TRAPPC10: variants seen among roughly 807,000 people sequenced by gnomAD.
The protein encoded by TRAPPC10 is trafficking protein particle complex subunit 10, also known as TRAPP 130 kDa subunit.
Under a neutral mutation model 125.5 loss-of-function variants are expected in TRAPPC10, and 23 were observed. The ratio of observed to expected loss-of-function variants is 0.18; its 90% CI spans 0.13 to 0.26. The LOEUF (loss-of-function observed/expected upper bound fraction) is 0.26, where lower values mean the gene tolerates loss of function less well. Among genes scored for constraint, TRAPPC10 ranks in the 10% least tolerant of loss-of-function variants. TRAPPC10 has a pLI of 1.00. For missense variants in TRAPPC10, 1,123 were observed against 1,308.4 expected (o/e 0.86, Z 2.19); for synonymous variants, 509 against 518.0 (o/e 0.98, Z 0.24).
chr21:44,062,496 A>C, intron 6 of TRAPPC10: 1 of 979,094 alleles, frequency 1.0e-6, no homozygotes, highest in Non-Finnish European at 1.2e-6. Context: ...CGGCACTGGC[A>C]CAGAGGCCTG....
chr21:44,074,540 T>A, intron 8 of TRAPPC10, 70 bp downstream of exon 8: 1 of 1,597,788 alleles, frequency 6.3e-7, no homozygotes, highest in Non-Finnish European at 8.6e-7. Flanking sequence ...GGAGGAAGTC[T>A]GCTGTTTGGA....
rs1041550131 is a variant in TRAPPC10, at chr21:44,012,361, C to G, written c.-133C>G. The G allele has an allele frequency of 3.0e-6, 1 of 329,600 alleles. No individual in the cohort carries two copies. Among genetic ancestry groups the G allele is most frequent in the Middle Eastern group, 1.5e-3 (1 of 652 alleles). 20.4% of individuals were successfully genotyped at this position (329,600 alleles called of 1,614,324 possible). ...CGGCAGCAGCGGGCGGCAGCTGCGG[C>G]GCAACCGGCTCCGGAGCTGCCTGGC... On this transcript the variant is annotated 5_prime_UTR_variant, in exon 1 of 23. Transcript: ENST00000291574.
Position 44,014,373 on chromosome 21 carries a change from A to C in TRAPPC10, c.67+1813A>C, listed in dbSNP as rs4819367. On this transcript the variant is annotated intron_variant, in intron 1 of 22. Transcript: ENST00000291574. ...GTGGGTTTTTTCCTGTGTTTTGAGC[A>C]GCAGAGTGAATTTTTTTTTTTCCTT... Among the ~76,000 whole-genome samples, 36 of 144,736 alleles carry C rather than the reference A, an allele frequency of 2.5e-4. No individual in the cohort carries two copies. The East Asian group carries it at 6.9e-3, about 28-fold the overall frequency. The allele number at this position is 144,736 out of a possible 152,430, so 95.0% of individuals were successfully genotyped here.
rs147958183 is a variant in TRAPPC10, at chr21:44,073,780, G to A, written c.1039-544G>A. Among the ~76,000 whole-genome samples, 732 of 152,136 alleles carry A rather than the reference G, an allele frequency of 4.8e-3. 5 individuals carry two copies. The highest frequency in any genetic ancestry group is 0.016 in the African/African-American group (676 of 41,472). On this transcript the variant is annotated intron_variant, in intron 7 of 22. Coordinates refer to ENST00000291574, the MANE Select transcript of TRAPPC10 (RefSeq NM_003274.5). ...AACATAAATATACTGTCTTTATCAC[G>A]CCTGAAGAGTGAACTGTAATTCCTC...
At chr21:44,047,021 T>C (rs891982564) in intron 3 of TRAPPC10, 1 of 767,250 alleles carries the variant, frequency 1.3e-6, no homozygotes, top group Non-Finnish European at 2.3e-6. Context: ...TGGAGTCCTT[T>C]CCCACCTTAC....
At chr21:44,092,155 C>T (rs2146208940) in intron 19 of TRAPPC10, 106 bp downstream of exon 19, 9 of 1,418,008 alleles carry the variant, frequency 6.3e-6, no homozygotes, top group Non-Finnish European at 8.6e-6. Flanking sequence ...AACAGCTGCA[C>T]TGCTGATGAG....
intron 7 of TRAPPC10, among the ~76,000 whole-genome samples, chr21:44,069,122 T>C (rs1370319030): frequency 1.3e-5 from 2 of 152,158 alleles, no homozygotes; most frequent in East Asian, 3.8e-4. Flanking sequence ...ATTCCTTAAA[T>C]AGGACATGAA....
chr21:44,088,004 C>T, intron 17 of TRAPPC10, 76 bp downstream of exon 17: 15 of 1,296,662 alleles, frequency 1.2e-5, no homozygotes, highest in South Asian at 9.0e-5. Context: ...GGCGATGTAG[C>T]GATGCCTGCT....
chr21:44,081,740 G>T (rs1288017646), intron 13 of TRAPPC10, among the ~76,000 whole-genome samples: 4 of 152,152 alleles, frequency 2.6e-5, no homozygotes, highest in Non-Finnish European at 5.9e-5. Flanking sequence ...TTAGCCAGGT[G>T]TGGTGGCGGG....
intron 7 of TRAPPC10, among the ~76,000 whole-genome samples, chr21:44,067,739 TG>T (rs1374617790): frequency 6.6e-6 from 1 of 152,200 alleles, no homozygotes; most frequent in Non-Finnish European, 1.5e-5. Context: ...CTTTGCCGGA[TG>T]CCTCAGGTCA....
chr21:44,016,681 C>T (rs1053211497), intron 1 of TRAPPC10, among the ~76,000 whole-genome samples: 2 of 152,072 alleles, frequency 1.3e-5, no homozygotes, highest in Non-Finnish European at 2.9e-5. Flanking sequence ...TTTTTTGAGA[C>T]GGAGTCTTGC....
intron 5 of TRAPPC10, 60 bp downstream of exon 5, chr21:44,055,953 CCTCT>C (rs994658890): frequency 7.2e-7 from 1 of 1,380,316 alleles, no homozygotes; most frequent in Admixed American, 2.0e-5. Flanking sequence ...TTGTTCCCTC[CCTCT>C]CTCCTCCTTT....
chr21:44,024,990 A>C (rs1371604233), intron 1 of TRAPPC10, among the ~76,000 whole-genome samples: 1 of 152,158 alleles, frequency 6.6e-6, no homozygotes, highest in Non-Finnish European at 1.5e-5. Flanking sequence ...CCACGCTAGG[A>C]GTATGTTGAG....
chr21:44,055,415 C>T (rs1280820945), intron 4 of TRAPPC10, among the ~76,000 whole-genome samples: 1 of 151,990 alleles, frequency 6.6e-6, no homozygotes, highest in Non-Finnish European at 1.5e-5. Flanking sequence ...CATAGCAAGA[C>T]CTCACCTTTA....
chr21:44,055,936 C>T, intron 5 of TRAPPC10, 43 bp downstream of exon 5: 2 of 1,470,522 alleles, frequency 1.4e-6, no homozygotes, highest in Middle Eastern at 1.8e-4. Flanking sequence ...TTCTCTCCTT[C>T]CCTCCTTTGT....
At chr21:44,068,083 G>A (rs931283835) in intron 7 of TRAPPC10, among the ~76,000 whole-genome samples, 3 of 148,966 alleles carry the variant, frequency 2.0e-5, no homozygotes, top group African/African-American at 7.5e-5. Flanking sequence ...TCATGCCACT[G>A]CACTCCAACT....
chr21:44,034,223 A>T (rs995124960), intron 2 of TRAPPC10, among the ~76,000 whole-genome samples: 4 of 152,134 alleles, frequency 2.6e-5, no homozygotes, highest in Non-Finnish European at 5.9e-5. Flanking sequence ...GCCCGGGTGA[A>T]AGCAGGGCTG....
intron 7 of TRAPPC10, among the ~76,000 whole-genome samples, chr21:44,073,216 C>A (rs748610749): frequency 1.1e-4 from 16 of 152,070 alleles, no homozygotes; most frequent in Non-Finnish European, 1.9e-4. Context: ...CTCTTTGGTT[C>A]TTCCTTGTTG....
rs908513549 is a variant in TRAPPC10 at position 44,082,424 on chromosome 21, G to A, written c.1724-364G>A. On this transcript the variant is annotated intron_variant, in intron 13 of 22. Coordinates refer to ENST00000291574, the MANE Select transcript of TRAPPC10 (RefSeq NM_003274.5). The surrounding 1 kb of genome is among the most constrained non-coding windows in gnomAD (Gnocchi z 4.4). ...CTTCACTGAGCATGTTTTTAAGTAGGTGAGAAAATATTGGAATCCCTTGGA... is the reference window on the plus strand; with the variant it reads ...CTTCACTGAGCATGTTTTTAAGTAGATGAGAAAATATTGGAATCCCTTGGA... 6.6e-6 allele frequency among the ~76,000 whole-genome samples: 1 copy of A among 152,214 alleles called. No individual in the cohort carries two copies. The highest frequency in any genetic ancestry group is 6.5e-5 in the Admixed American group (1 of 15,284).
Sources: allele counts gnomAD v4.1 joint callset (sites outside exome capture counted in the v4.1 genomes callset), GRCh38; gene constraint gnomAD v4.1.1; non-coding constraint Gnocchi (gnomAD v3.1); transcripts MANE v1.5; gene names NCBI Gene and HGNC (gene_info 2026-07-23, HGNC 2026-07-21).